Variants in B4GALT6 observed in about 807,000 individuals in gnomAD.
The protein encoded by B4GALT6 is beta-1,4-galactosyltransferase 6.
A neutral mutation model predicts 46.3 loss-of-function variants in B4GALT6; 14 were observed. The ratio of observed to expected loss-of-function variants is 0.30; its 90% CI spans 0.20 to 0.47. The LOEUF (loss-of-function observed/expected upper bound fraction) is 0.47. Ranked by LOEUF, B4GALT6 falls within the 20% of genes least tolerant of loss-of-function variation. The probability of loss-of-function intolerance (pLI) is 0.99; values close to 1 mark genes in which losing one functional copy is unlikely to be tolerated. For synonymous variants in B4GALT6, 168 were observed against 162.0 expected (o/e 1.04, Z -0.28); for missense variants, 386 against 480.1 (o/e 0.80, Z 1.83).
chr18:31,685,460 T>G (rs546709238), upstream of B4GALT6, among the ~76,000 whole-genome samples: 37 of 150,984 alleles, frequency 2.5e-4, no homozygotes, highest in African/African-American at 8.7e-4. Flanking sequence ...GCGCGCTCGC[T>G]CGGAACTCGG....
At position 31,666,171 on chromosome 18, in the gene B4GALT6, G is replaced by A. The variant is rs79900680; in HGVS notation, c.232+85C>T. 3.5e-3 allele frequency: 2,269 copies of A among 649,400 alleles called. 7 individuals are homozygous for A. Among genetic ancestry groups the A allele is most frequent in the Non-Finnish European group, 5.0e-3 (1,891 of 381,220 alleles). 40.2% of individuals were successfully genotyped at this position (649,400 alleles called of 1,614,324 possible). A position where few individuals can be genotyped will look rare whatever the true frequency, so the allele number is the denominator to read the frequency against. On this transcript the variant is annotated intron_variant, in intron 2 of 8. Coordinates refer to ENST00000306851, the MANE Select transcript of B4GALT6 (RefSeq NM_004775.5). ...AAGATACCTTCTTCATCTTTAACAGGAAGTTACCTGAAGGCAAAACAGACT... is the reference window on the plus strand; with the variant it reads ...AAGATACCTTCTTCATCTTTAACAGAAAGTTACCTGAAGGCAAAACAGACT...
intron 7 of B4GALT6, 73 bp from the exon 8 acceptor site, chr18:31,626,457 A>G (rs2073698626): frequency 1.2e-6 from 1 of 824,266 alleles, no homozygotes; most frequent in Non-Finnish European, 1.9e-6. Context: ...GTTCAATTTT[A>G]AAACACAAAA....
At chr18:31,668,139 A>C (rs1459070777) in intron 1 of B4GALT6, among the ~76,000 whole-genome samples, 1 of 152,154 alleles carries the variant, frequency 6.6e-6, no homozygotes, top group Non-Finnish European at 1.5e-5. Flanking sequence ...ATAAAAAAGA[A>C]CAAAATCATA....
At chr18:31,630,014 T>C (rs1418903656) in intron 6 of B4GALT6, among the ~76,000 whole-genome samples, 1 of 109,422 alleles carries the variant, frequency 9.1e-6, no homozygotes, top group East Asian at 2.9e-4. Context: ...AAGGATGAGG[T>C]GGAGAAGGAG....
At chr18:31,688,261 A>ATATATATATATACG (rs1567989733), upstream of B4GALT6, among the ~76,000 whole-genome samples, 1 of 146,822 alleles carries the variant, frequency 6.8e-6, no homozygotes, top group African/African-American at 2.6e-5. Flanking sequence ...ATATATATAC[A>ATATATATATATACG]TATATATATA....
At chr18:31,627,167 T>C in intron 6 of B4GALT6, 46 bp from the exon 7 acceptor site, 1 of 1,538,286 alleles carries the variant, frequency 6.5e-7, no homozygotes, top group South Asian at 1.2e-5. Context: ...TCATAATAAT[T>C]TCCCATGTGA....
chr18:31,632,087 C>T (rs1598869416), intron 5 of B4GALT6, among the ~76,000 whole-genome samples: 1 of 151,894 alleles, frequency 6.6e-6, no homozygotes. Context: ...GAGCATTTAC[C>T]AGTGTTTTAG....
chr18:31,656,785 T>G (rs1667291), intron 3 of B4GALT6, among the ~76,000 whole-genome samples: 11 of 152,040 alleles, frequency 7.2e-5, no homozygotes, highest in Non-Finnish European at 1.6e-4. Flanking sequence ...ACAAAACACA[T>G]AGCAGACAAC....
At chr18:31,638,911 A>G in intron 4 of B4GALT6, 151 bp from the exon 5 acceptor site, 3 of 644,508 alleles carry the variant, frequency 4.7e-6, no homozygotes, top group African/African-American at 1.8e-5. Flanking sequence ...GCAAACACGC[A>G]AAAAGCCCTT....
rs1036443676 is a variant in B4GALT6, at chr18:31,684,361, G to A, written c.66C>T (p.Phe22=). 3 of 1,613,344 alleles carry A rather than the reference G, an allele frequency of 1.9e-6. No individual in the cohort carries two copies. Among genetic ancestry groups the A allele is most frequent in the African/African-American group, 1.3e-5 (1 of 74,864 alleles). The change falls in exon 1 of 9, where the codon TTC becomes TTT. Residue 22 remains phenylalanine, a synonymous_variant. Coordinates refer to ENST00000306851, the MANE Select transcript of B4GALT6 (RefSeq NM_004775.5). ...AGTACAGACAGGACGAAGAGAGGGA[G>A]AAGAAGAAGATGAAGGCGAGGAGAG... The part of the protein sequence containing the change: ...NRSLLAFIFF[F]SLSSSCLYFI...
the B4GALT6 span, among the ~76,000 whole-genome samples, chr18:31,696,839 T>C: frequency 6.6e-6 from 1 of 152,194 alleles, no homozygotes; most frequent in Non-Finnish European, 1.5e-5. Flanking sequence ...CCCTGAGTCA[T>C]TTAACGCAGA....
chr18:31,700,385 G>C, the B4GALT6 span, among the ~76,000 whole-genome samples: 1 of 151,872 alleles, frequency 6.6e-6, no homozygotes, highest in Non-Finnish European at 1.5e-5. Flanking sequence ...CTGTGAAAGA[G>C]AATATACTTT....
At chr18:31,671,047 C>G (rs1231982891) in intron 1 of B4GALT6, among the ~76,000 whole-genome samples, 2 of 152,132 alleles carry the variant, frequency 1.3e-5, no homozygotes, top group Non-Finnish European at 2.9e-5. Context: ...TCGTTTCCAG[C>G]TTCATCCATG....
At chr18:31,694,089 A>G in the B4GALT6 span, among the ~76,000 whole-genome samples, 2 of 152,274 alleles carry the variant, frequency 1.3e-5, no homozygotes, top group Non-Finnish European at 2.9e-5. Flanking sequence ...ATAATCACTT[A>G]TCTTAAAATA....
At chr18:31,706,738 A>G in the B4GALT6 span, among the ~76,000 whole-genome samples, 1 of 152,244 alleles carries the variant, frequency 6.6e-6, no homozygotes, top group African/African-American at 2.4e-5. Flanking sequence ...ATTAATAACC[A>G]GTAACAATGT....
chr18:31,675,653 A>G (rs2074406508), intron 1 of B4GALT6, among the ~76,000 whole-genome samples: 1 of 152,322 alleles, frequency 6.6e-6, no homozygotes, highest in East Asian at 1.9e-4. Flanking sequence ...GGGAAAGTGG[A>G]ATCAGGAGGA....
rs948716459 is a variant in B4GALT6, at chr18:31,623,622, C to A, written c.*1992G>T. 1 of 152,124 alleles carries A rather than the reference C, an allele frequency of 6.6e-6. No homozygotes were observed. Among genetic ancestry groups the A allele is most frequent in the African/African-American group, 2.4e-5 (1 of 41,328 alleles). 9.4% of individuals were successfully genotyped at this position (152,124 alleles called of 1,614,324 possible). ...AATGAACTAATACACAAATGAAGTA[C>A]AAATATCATAATTTTCAGAAGGTTT... On this transcript the variant is annotated 3_prime_UTR_variant, in exon 9 of 9. Transcript: ENST00000306851.
At position 31,654,237 on chromosome 18, in the gene B4GALT6, T is replaced by C. The variant is rs567166674; in HGVS notation, c.346+3739A>G. ...AAAGGTAAGTCTATTTTCAGTCTAA[T>C]GCAGAGTATGCAATTGACATTTTCC... On this transcript the variant is annotated intron_variant, in intron 3 of 8. Coordinates refer to ENST00000306851, the MANE Select transcript of B4GALT6 (RefSeq NM_004775.5). Among the ~76,000 whole-genome samples, 5 of 152,382 alleles carry C rather than the reference T, an allele frequency of 3.3e-5. No homozygotes were observed. In the South Asian group the frequency reaches 1.0e-3, roughly 32 times the overall value.
At chr18:31,660,109 C>CCA (rs2074194524) in intron 2 of B4GALT6, among the ~76,000 whole-genome samples, 2 of 151,894 alleles carry the variant, frequency 1.3e-5, no homozygotes, top group South Asian at 4.2e-4. Flanking sequence ...CAATCATGCA[C>CCA]CACCACACCC....
Sources: allele counts gnomAD v4.1 joint callset (sites outside exome capture counted in the v4.1 genomes callset), GRCh38; gene constraint gnomAD v4.1.1; transcripts MANE v1.5; gene names NCBI Gene and HGNC (gene_info 2026-07-23, HGNC 2026-07-21).